Variants in OSBP2 observed in about 807,000 individuals in gnomAD.
The protein encoded by OSBP2 is oxysterol binding protein 2.
In OSBP2, 66 loss-of-function variants were observed where a neutral mutation model predicts 96.0. The ratio of observed to expected loss-of-function variants is 0.69; its 90% CI spans 0.56 to 0.84. The LOEUF is 0.84. OSBP2 is among the 40% of genes least tolerant of loss of function. OSBP2 has a pLI of 0.00. For missense variants in OSBP2, 1,038 were observed against 1,222.7 expected, an observed-to-expected ratio of 0.85 and a Z score of 2.25; for synonymous variants, 525 against 520.9, an observed-to-expected ratio of 1.01 and a Z score of -0.11.
intron 1 of OSBP2, among the ~76,000 whole-genome samples, chr22:30,725,677 C>T (rs757669765): frequency 3.3e-5 from 5 of 152,130 alleles, no homozygotes; most frequent in Non-Finnish European, 5.9e-5. Context: ...GGGCTAATTT[C>T]CTCCAACAAG....
intron 2 of OSBP2, among the ~76,000 whole-genome samples, chr22:30,813,814 T>A (rs972024868): frequency 2.6e-5 from 4 of 151,870 alleles, no homozygotes; most frequent in Admixed American, 2.0e-4. Flanking sequence ...TTTTCTTTTT[T>A]TTTTTGAGAT....
At chr22:30,724,018 A>G (rs2089599912) in intron 1 of OSBP2, among the ~76,000 whole-genome samples, 1 of 152,154 alleles carries the variant, frequency 6.6e-6, no homozygotes. Flanking sequence ...TGCCCTAAAA[A>G]TCAGTCTGTG....
At chr22:30,778,951 G>A (rs963727230) in intron 2 of OSBP2, among the ~76,000 whole-genome samples, 2 of 150,708 alleles carry the variant, frequency 1.3e-5, no homozygotes, top group African/African-American at 4.9e-5. Flanking sequence ...CAAGAGAATC[G>A]CTTGAACCTG....
intron 2 of OSBP2, among the ~76,000 whole-genome samples, chr22:30,746,250 C>T (rs1269112028): frequency 6.6e-6 from 1 of 151,974 alleles, no homozygotes; most frequent in Non-Finnish European, 1.5e-5. Flanking sequence ...GAGACCCTTT[C>T]TTTACAAAAA....
intron 2 of OSBP2, among the ~76,000 whole-genome samples, chr22:30,825,950 A>G (rs1332615957): frequency 6.6e-6 from 1 of 152,052 alleles, no homozygotes; most frequent in African/African-American, 2.4e-5. Context: ...GGCAGCCAAC[A>G]TGGGCCATCA....
At chr22:30,731,538 C>T (rs148912779) in intron 1 of OSBP2, 2,638 of 153,742 alleles carry the variant, frequency 0.017, 41 homozygotes, top group Admixed American at 0.028. Context: ...GAGGCATCAT[C>T]GAGAGAGACA....
At chr22:30,704,098 G>C (rs1352332372) in intron 1 of OSBP2, among the ~76,000 whole-genome samples, 1 of 152,176 alleles carries the variant, frequency 6.6e-6, no homozygotes, top group African/African-American at 2.4e-5. Flanking sequence ...AGACTCTTCT[G>C]TGGGGTCCTG....
chr22:30,847,493 G>A (rs764944072), intron 2 of OSBP2, among the ~76,000 whole-genome samples: 10 of 152,058 alleles, frequency 6.6e-5, no homozygotes, highest in Non-Finnish European at 1.5e-4. Context: ...TGTCGGCCAG[G>A]CTGGTCTCGA....
At position 30,695,335 on chromosome 22, in the gene OSBP2, A is replaced by G; in HGVS notation, c.426A>G (p.Gly142=). Residue 142 remains glycine (G), a synonymous_variant, in exon 1 of 14, where the codon GGA becomes GGG. Coordinates refer to ENST00000332585, the MANE Select transcript of OSBP2 (RefSeq NM_030758.4). Reference sequence around the variant, plus strand: ...CGACCTTTCTCAGACCCGAGTCAGGATCGCTGCCAGCGTTAAAGCCCCTGC... The same window carrying G: ...CGACCTTTCTCAGACCCGAGTCAGGGTCGCTGCCAGCGTTAAAGCCCCTGC... ...GSATFLRPES[G]SLPALKPLPL... 6.2e-7 allele frequency: 1 copy of G among 1,613,642 alleles called. No individual in the cohort carries two copies.
chr22:30,741,465 G>T, intron 2 of OSBP2, 96 bp downstream of exon 2: 1 of 1,029,702 alleles, frequency 9.7e-7, no homozygotes, highest in Non-Finnish European at 1.4e-6. Context: ...TGGTGGCCAG[G>T]AGACCCAGGC....
At chr22:30,727,887 A>G (rs1229619605) in intron 1 of OSBP2, among the ~76,000 whole-genome samples, 1 of 151,888 alleles carries the variant, frequency 6.6e-6, no homozygotes, top group East Asian at 1.9e-4. Flanking sequence ...CGGGTGGATC[A>G]CAAGGTCAAG....
At chr22:30,855,107 A>C (rs1010908607) in intron 2 of OSBP2, among the ~76,000 whole-genome samples, 1 of 152,222 alleles carries the variant, frequency 6.6e-6, no homozygotes, top group Non-Finnish European at 1.5e-5. Flanking sequence ...TACAATTCAG[A>C]ATGAGATTTG....
At chr22:30,770,003 T>G (rs1017908860) in intron 2 of OSBP2, among the ~76,000 whole-genome samples, 1 of 152,070 alleles carries the variant, frequency 6.6e-6, no homozygotes, top group African/African-American at 2.4e-5. Context: ...TCTCACAAGA[T>G]CTGATGGTTT....
upstream of OSBP2, among the ~76,000 whole-genome samples, chr22:30,694,625 C>T: frequency 0.013 from 1 of 78 alleles, no homozygotes; most frequent in South Asian, 0.25. Flanking sequence ...AGCGCGCCAT[C>T]CCCTTCGGAG....
intron 2 of OSBP2, among the ~76,000 whole-genome samples, chr22:30,841,738 C>T (rs994448546): frequency 2.4e-4 from 36 of 152,182 alleles, no homozygotes; most frequent in Admixed American, 2.3e-3. Flanking sequence ...TGGTGGCTCA[C>T]ACCTCTCATT....
At chr22:30,845,387 C>T (rs2147045295) in intron 2 of OSBP2, among the ~76,000 whole-genome samples, 1 of 152,174 alleles carries the variant, frequency 6.6e-6, no homozygotes, top group African/African-American at 2.4e-5. Context: ...CGTGCCATTG[C>T]ACTCCAGCCT....
intron 2 of OSBP2, among the ~76,000 whole-genome samples, chr22:30,757,224 A>G (rs1429853942): frequency 1.3e-5 from 2 of 151,948 alleles, no homozygotes; most frequent in Admixed American, 6.6e-5. Context: ...TTGCTTCCTC[A>G]TGCATAGAAC....
In OSBP2 at chr22:30,890,926, G is replaced by C; in HGVS notation, c.1822G>C (p.Glu608Gln). 1 of 1,612,236 alleles carries C rather than the reference G, an allele frequency of 6.2e-7. No homozygotes were observed. Among genetic ancestry groups the C allele is most frequent in the Non-Finnish European group, 8.5e-7 (1 of 1,180,030 alleles). The change falls in exon 8 of 14, where the codon GAG (glutamate) becomes CAG (glutamine). Residue 608 changes from glutamate to glutamine, a missense_variant. Around this residue, in one of 3 missense-constraint regions of OSBP2, gnomAD observed 737 missense variants for 913.3 expected, o/e 0.81. Transcript: ENST00000332585. This position sits in a 1 kb window ranked among gnomAD's most constrained non-coding sequence, Gnocchi z 4.4. ...PFNPMLGETF[E>Q]LDRLDDMGLR... is the part of the protein sequence containing the mutation. ...CAACCCCATGCTGGGGGAGACCTTC[G>C]AGCTGGACCGCCTCGACGACATGGG...
intron 1 of OSBP2, among the ~76,000 whole-genome samples, chr22:30,719,409 C>T (rs752582289): frequency 6.6e-6 from 1 of 151,872 alleles, no homozygotes; most frequent in Non-Finnish European, 1.5e-5. Flanking sequence ...TTTCCAGGGC[C>T]CTGGAAAAGT....
Sources: allele counts gnomAD v4.1 joint callset (sites outside exome capture counted in the v4.1 genomes callset), GRCh38; gene constraint gnomAD v4.1.1; regional missense constraint gnomAD v4.1.1; non-coding constraint Gnocchi (gnomAD v3.1); transcripts MANE v1.5; gene names NCBI Gene and HGNC (gene_info 2026-07-23, HGNC 2026-07-21).